The following OTUD6B variants were observed in gnomAD, a reference collection of about 807,000 sequenced individuals.
OTUD6B encodes OTU deubiquitinase 6B, also known as deubiquitinase OTUD6B.
A neutral mutation model predicts 36.9 loss-of-function variants in OTUD6B; 41 were observed. That is an observed-to-expected ratio of 1.11 (90% CI 0.87 to 1.44). OTUD6B has a LOEUF of 1.44. Among genes scored for constraint, OTUD6B ranks in the 40% most tolerant of loss-of-function variants. The probability of loss-of-function intolerance (pLI) is 0.00; values close to 1 mark genes in which losing one functional copy is unlikely to be tolerated. For synonymous variants in OTUD6B, 114 were observed against 114.2 expected, an observed-to-expected ratio of 1.00 and a Z score of 0.01; for missense variants, 356 against 344.8, an observed-to-expected ratio of 1.03 and a Z score of -0.26.
rs1563584788 is a variant in OTUD6B, at chr8:91,085,414, G to GTT, written c.*546_*547insTT. 1 of 151,790 alleles carries GTT rather than the reference G, an allele frequency of 6.6e-6. No homozygotes were observed. Among genetic ancestry groups the GTT allele is most frequent in the African/African-American group, 2.4e-5 (1 of 41,358 alleles). 9.4% of individuals were successfully genotyped at this position (151,790 alleles called of 1,614,324 possible). On this transcript the variant is annotated 3_prime_UTR_variant, in exon 7 of 7. Coordinates refer to ENST00000404789, the MANE Select transcript of OTUD6B (RefSeq NM_016023.5). ...AATATATATAGCCTTATCAAAGCAA[G>GTT]CTAAGAAGCTTGCTTTAATAATTAA...
intron 3 of OTUD6B, 161 bp from the exon 4 acceptor site, chr8:91,078,195 C>G (rs1418393803): frequency 5.3e-6 from 5 of 945,646 alleles, no homozygotes; most frequent in Non-Finnish European, 6.3e-6. Flanking sequence ...AAGGAGCTCA[C>G]CTTGTAGAAA....
intron 5 of OTUD6B, among the ~76,000 whole-genome samples, chr8:91,081,665 A>G (rs905646754): frequency 6.6e-6 from 1 of 152,192 alleles, no homozygotes; most frequent in African/African-American, 2.4e-5. Context: ...GGATGAACCT[A>G]GGCAGTACGA....
chr8:91,077,116 T>C (rs1455744117), intron 3 of OTUD6B, among the ~76,000 whole-genome samples: 3 of 152,098 alleles, frequency 2.0e-5, no homozygotes, highest in Admixed American at 6.6e-5. Context: ...CTGTAACTTA[T>C]TAATGTCAAA....
At chr8:91,075,733 T>C (rs1174113785) in intron 3 of OTUD6B, among the ~76,000 whole-genome samples, 2 of 152,028 alleles carry the variant, frequency 1.3e-5, no homozygotes, top group African/African-American at 4.8e-5. Flanking sequence ...TTATAATGCT[T>C]AAGAAAATGG....
chr8:91,073,322 A>G (rs1224585403), intron 2 of OTUD6B, among the ~76,000 whole-genome samples: 1 of 152,144 alleles, frequency 6.6e-6, no homozygotes, highest in African/African-American at 2.4e-5. Flanking sequence ...AATTAAATAT[A>G]TTTTCTGCCT....
At chr8:91,070,559 A>T (rs1812668159) in intron 1 of OTUD6B, 93 bp downstream of exon 1, 1 of 1,215,614 alleles carries the variant, frequency 8.2e-7, no homozygotes, top group Admixed American at 2.1e-5. Context: ...GGCGTGACTT[A>T]TCTGGATCAC....
intron 4 of OTUD6B, chr8:91,080,431 C>A: frequency 2.6e-6 from 1 of 378,224 alleles, no homozygotes; most frequent in Non-Finnish European, 3.6e-6. Context: ...TCTGGGCCTC[C>A]AACAGAAGAA....
intron 5 of OTUD6B, among the ~76,000 whole-genome samples, chr8:91,081,809 T>C (rs1812913176): frequency 6.6e-6 from 1 of 152,190 alleles, no homozygotes; most frequent in African/African-American, 2.4e-5. Context: ...GCTGTGTATG[T>C]GCATTTCCAC....
chr8:91,077,704 AC>A (rs2130435155), intron 3 of OTUD6B, among the ~76,000 whole-genome samples: 1 of 152,180 alleles, frequency 6.6e-6, no homozygotes, highest in South Asian at 2.1e-4. Flanking sequence ...AAGAATTTAT[AC>A]ATATTTTCAA....
chr8:91,079,524 A>G (rs1225693748), intron 4 of OTUD6B, among the ~76,000 whole-genome samples: 1 of 152,154 alleles, frequency 6.6e-6, no homozygotes, highest in Admixed American at 6.5e-5. Flanking sequence ...GAATGACTTA[A>G]GCATAATCTA....
chr8:91,071,463 C>T (rs1812696917), intron 2 of OTUD6B, among the ~76,000 whole-genome samples, 174 bp downstream of exon 2: 1 of 151,702 alleles, frequency 6.6e-6, no homozygotes, highest in East Asian at 1.9e-4. Flanking sequence ...ATTCTCCTGC[C>T]TCAGCCTCCC....
In OTUD6B at chr8:91,084,142, T is replaced by C. The variant is rs184049412; in HGVS notation, c.797+28T>C. The C allele has an allele frequency of 1.0e-3, 1,246 of 1,224,178 alleles. 2 individuals are homozygous for C. Among genetic ancestry groups the C allele is most frequent in the Admixed American group, 1.5e-3 (59 of 39,944 alleles). The allele number at this position is 1,224,178 out of a possible 1,614,324, so 75.8% of individuals were successfully genotyped here. On this transcript the variant is annotated intron_variant, in intron 6 of 6. Transcript: ENST00000404789. ...AAGTACCTAGACATTTTTACTGTTT[T>C]ATTTTTCACAATTAATACAAAAAGG...
In OTUD6B at chr8:91,085,396, A is replaced by G. The variant is rs1812995727; in HGVS notation, c.*528A>G. On this transcript the variant is annotated 3_prime_UTR_variant, in exon 7 of 7. Coordinates refer to ENST00000404789, the MANE Select transcript of OTUD6B (RefSeq NM_016023.5). Reference sequence around the variant, plus strand: ...CAGTGAAGCTTTATTACTAATATATATAGCCTTATCAAAGCAAGCTAAGAA... The same window carrying G: ...CAGTGAAGCTTTATTACTAATATATGTAGCCTTATCAAAGCAAGCTAAGAA... 6.6e-6 allele frequency: 1 copy of G among 151,970 alleles called. No individual in the cohort carries two copies. 9.4% of individuals were successfully genotyped at this position (151,970 alleles called of 1,614,324 possible).
At position 91,086,845 on chromosome 8, in the gene OTUD6B, T is replaced by C. The variant is rs1034708646; in HGVS notation, c.*1977T>C. ...GACAGATGTTAATTTAAAAGCAGCA[T>C]ATGCTAATTTACTTTTTCATATGAT... On this transcript the variant is annotated 3_prime_UTR_variant, in exon 7 of 7. Transcript: ENST00000404789. 1 of 152,108 alleles carries C rather than the reference T, an allele frequency of 6.6e-6. No homozygotes were observed. The highest frequency in any genetic ancestry group is 2.4e-5 in the African/African-American group (1 of 41,470). 9.4% of individuals were successfully genotyped at this position (152,108 alleles called of 1,614,324 possible).
At chr8:91,071,311 C>T (rs200175871) in intron 2 of OTUD6B, 22 bp downstream of exon 2, 20 of 1,585,184 alleles carry the variant, frequency 1.3e-5, no homozygotes, top group Admixed American at 3.6e-5. Context: ...AAATGTTTGT[C>T]GTTGCCTACA....
intron 3 of OTUD6B, chr8:91,076,586 A>T (rs1812806989): frequency 6.5e-7 from 1 of 1,530,292 alleles, no homozygotes; most frequent in South Asian, 1.2e-5. Context: ...TTTTATTCTG[A>T]TTCAGGTGCC....
chr8:91,072,793 A>T (rs1184640830), intron 2 of OTUD6B, among the ~76,000 whole-genome samples: 1 of 152,176 alleles, frequency 6.6e-6, no homozygotes, highest in Non-Finnish European at 1.5e-5. Flanking sequence ...TTTCTTTCCC[A>T]GGTTTCCAAG....
At position 91,086,872 on chromosome 8, in the gene OTUD6B, A is replaced by T. The variant is rs1813026959; in HGVS notation, c.*2004A>T. The T allele has an allele frequency of 6.6e-6, 1 of 152,058 alleles. No individual in the cohort carries two copies. The highest frequency in any genetic ancestry group is 1.5e-5 in the Non-Finnish European group (1 of 67,934). 9.4% of individuals were successfully genotyped at this position (152,058 alleles called of 1,614,324 possible). A position where few individuals can be genotyped will look rare whatever the true frequency, so the allele number is the denominator to read the frequency against. Reference sequence around the variant, plus strand: ...TGCTAATTTACTTTTTCATATGATGATGGTCTAATGGAAGTTACATATGCT... The same window carrying T: ...TGCTAATTTACTTTTTCATATGATGTTGGTCTAATGGAAGTTACATATGCT... On this transcript the variant is annotated 3_prime_UTR_variant, in exon 7 of 7. Transcript: ENST00000404789.
chr8:91,084,906 T>G lies in OTUD6B; in HGVS notation c.*38T>G, dbSNP rs777113650. On this transcript the variant is annotated 3_prime_UTR_variant, in exon 7 of 7. Coordinates refer to ENST00000404789, the MANE Select transcript of OTUD6B (RefSeq NM_016023.5). ...TGTACAATTATGTTTTAATACAGTG[T>G]GCTGAACTGAGTATTTCTACCAAGT... The G allele has an allele frequency of 2.0e-6, 2 of 1,022,262 alleles. No individual in the cohort carries two copies. The highest frequency in any genetic ancestry group is 2.9e-6 in the Non-Finnish European group (2 of 700,012). 63.3% of individuals were successfully genotyped at this position (1,022,262 alleles called of 1,614,324 possible).
Sources: gnomAD v4.1 joint callset for allele counts (sites outside exome capture counted in the v4.1 genomes callset) on GRCh38, gnomAD v4.1.1 for gene constraint, MANE v1.5 for transcripts, NCBI Gene and HGNC (gene_info 2026-07-23, HGNC 2026-07-21) for gene names.